The following SNAP47 variants were observed in gnomAD, a reference collection of about 807,000 sequenced individuals.
SNAP47 encodes synaptosome associated protein 47, also known as synaptosomal-associated protein 47.
SNAP47 carries 20 observed loss-of-function variants against 31.4 expected under a neutral mutation model. The ratio of observed to expected loss-of-function variants is 0.64; its 90% CI spans 0.45 to 0.93. The LOEUF (loss-of-function observed/expected upper bound fraction) is 0.93. Ranked by LOEUF, SNAP47 falls within the 40% of genes least tolerant of loss-of-function variation. The probability of loss-of-function intolerance (pLI) is 0.00; values close to 1 mark genes in which losing one functional copy is unlikely to be tolerated. For missense variants in SNAP47, 492 were observed against 528.5 expected (o/e 0.93, Z 0.68); for synonymous variants, 194 against 213.4 (o/e 0.91, Z 0.79).
chr1:227,763,026 A>G lies in SNAP47; in HGVS notation c.988+3541A>G, dbSNP rs559061614. Among the ~76,000 whole-genome samples the G allele has an allele frequency of 5.9e-5, 9 of 152,134 alleles. No homozygotes were observed. Among genetic ancestry groups the G allele is most frequent in the African/African-American group, 2.2e-4 (9 of 41,510 alleles). ...GGCTGGAGTGCAGAGGTGCAATCAT[A>G]GCTCACTGTAACTTCAATCTCCTGG... On this transcript the variant is annotated intron_variant, in intron 3 of 4. Coordinates refer to ENST00000617596, the MANE Select transcript of SNAP47 (RefSeq NM_053052.4). The surrounding 1 kb of genome is among the most constrained non-coding windows in gnomAD (Gnocchi z 4.2).
At chr1:227,753,439 G>A (rs999860470) in intron 2 of SNAP47, among the ~76,000 whole-genome samples, 5 of 152,158 alleles carry the variant, frequency 3.3e-5, no homozygotes, top group Non-Finnish European at 5.9e-5. Context: ...TTTTCCTGCC[G>A]GGTCTGTCCT....
At position 227,759,409 on chromosome 1, in the gene SNAP47, G is replaced by A. The variant is rs1406249578; in HGVS notation, c.912G>A (p.Leu304=). ...LEVQFSKKME[L]LEDALVLRSA... The stretch of plus-strand genomic sequence containing the variant: ...TGCAGTTCAGCAAGAAGATGGAGCT[G>A]TTAGAAGATGCATTGGTGCTCAGAA... The change falls in exon 3 of 5, where the codon CTG becomes CTA. Residue 304 remains leucine, a synonymous_variant. Coordinates refer to ENST00000617596, the MANE Select transcript of SNAP47 (RefSeq NM_053052.4). 24 of 1,614,108 alleles carry A rather than the reference G, an allele frequency of 1.5e-5. No homozygotes were observed. Among genetic ancestry groups the A allele is most frequent in the Non-Finnish European group, 2.0e-5 (24 of 1,180,052 alleles).
chr1:227,769,637 C>T (rs1663663729), intron 4 of SNAP47, among the ~76,000 whole-genome samples: 1 of 152,128 alleles, frequency 6.6e-6, no homozygotes, highest in South Asian at 2.1e-4. Context: ...TGTGATCACA[C>T]AGGACAGGCA....
intron 4 of SNAP47, among the ~76,000 whole-genome samples, chr1:227,769,134 C>G (rs1491002805): frequency 6.6e-6 from 1 of 152,162 alleles, no homozygotes; most frequent in Non-Finnish European, 1.5e-5. Context: ...GGGCTCCCCA[C>G]CAGCCATCCA....
intron 2 of SNAP47, 54 bp downstream of exon 2, chr1:227,748,287 G>A (rs1662113538): frequency 1.4e-6 from 2 of 1,474,012 alleles, no homozygotes; most frequent in Non-Finnish European, 1.8e-6. Flanking sequence ...ATGCACATGT[G>A]TGGAGGCTCA....
chr1:227,751,019 T>C (rs1374325432), intron 2 of SNAP47, among the ~76,000 whole-genome samples: 3 of 152,166 alleles, frequency 2.0e-5, no homozygotes, highest in Non-Finnish European at 2.9e-5. Context: ...CACCAAGCGA[T>C]GGGCCTGTCC....
At chr1:227,753,527 G>A (rs1662508608) in intron 2 of SNAP47, among the ~76,000 whole-genome samples, 1 of 152,164 alleles carries the variant, frequency 6.6e-6, no homozygotes, top group African/African-American at 2.4e-5. Context: ...TCTCACTGCT[G>A]CCTAAGACAC....
At chr1:227,777,116 A>AAG in intron 4 of SNAP47, 1 of 924,580 alleles carries the variant, frequency 1.1e-6, no homozygotes, top group Non-Finnish European at 1.3e-6. Flanking sequence ...TTTTAAAAAA[A>AAG]AAAGTTATTT....
chr1:227,776,079 G>A, intron 4 of SNAP47: 3 of 1,183,524 alleles, frequency 2.5e-6, no homozygotes, highest in Non-Finnish European at 3.2e-6. Flanking sequence ...TTCAGGTTGT[G>A]CCTCTTGCTG....
At chr1:227,759,615 C>A in intron 3 of SNAP47, 130 bp downstream of exon 3, 1 of 1,266,094 alleles carries the variant, frequency 7.9e-7, no homozygotes. Context: ...TTGCTAGAGA[C>A]AGCTCGTTTG....
chr1:227,753,904 A>C (rs1248674327), intron 2 of SNAP47, among the ~76,000 whole-genome samples: 2 of 152,032 alleles, frequency 1.3e-5, no homozygotes, highest in African/African-American at 4.8e-5. Flanking sequence ...CTGGAGCCCC[A>C]GTGGGTGTGT....
chr1:227,758,550 G>A (rs972453974), intron 2 of SNAP47, among the ~76,000 whole-genome samples: 1 of 152,178 alleles, frequency 6.6e-6, no homozygotes, highest in Admixed American at 6.5e-5. Context: ...TGGGGGAAGG[G>A]GCCTGCTAGG....
rs777521127 is a variant in SNAP47 at position 227,735,540 on chromosome 1, C to G, written c.-46+41C>G. 1.4e-5 allele frequency: 19 copies of G among 1,360,490 alleles called. No homozygotes were observed. In the East Asian group the frequency reaches 5.4e-4, roughly 38 times the overall value. The allele number at this position is 1,360,490 out of a possible 1,614,324, so 84.3% of individuals were successfully genotyped here. On this transcript the variant is annotated intron_variant, in intron 1 of 4. Coordinates refer to ENST00000617596, the MANE Select transcript of SNAP47 (RefSeq NM_053052.4). ...GGTCTGTTGGGCGCCCGGCCCAAGC[C>G]AAGCCGTAGCGTCCGCCCTCGGCTC... is the stretch of plus-strand genomic sequence containing the variant.
upstream of SNAP47, chr1:227,735,213 G>T: frequency 6.3e-7 from 1 of 1,588,828 alleles, no homozygotes; most frequent in Non-Finnish European, 8.6e-7. Flanking sequence ...CCGACGCCGG[G>T]GACATCGACC....
intron 1 of SNAP47, among the ~76,000 whole-genome samples, chr1:227,742,895 G>C (rs529427548): frequency 6.6e-6 from 1 of 152,212 alleles, no homozygotes; most frequent in African/African-American, 2.4e-5. Flanking sequence ...GAGCCTGCTG[G>C]GTGGCCTTGC....
In SNAP47 at chr1:227,780,596, G is replaced by A; in HGVS notation, c.1183G>A (p.Asp395Asn). 6.2e-7 allele frequency: 1 copy of A among 1,614,218 alleles called. No homozygotes were observed. The highest frequency in any genetic ancestry group is 8.5e-7 in the Non-Finnish European group (1 of 1,180,038). Residue 395 changes from aspartate to asparagine, a missense_variant, in exon 5 of 5, where the codon GAT becomes AAT. Physicochemically the swap from Asp to Asn is conservative, Grantham distance 23 (BLOSUM62 1). Transcript: ENST00000617596. Reference protein sequence around the residue: ...SELERQDEALDGVAAAVDRAT... With the variant: ...SELERQDEALNGVAAAVDRAT... ...GCTGGAGAGACAAGACGAAGCCCTGGATGGCGTTGCAGCAGCTGTGGACAG... is the reference window on the plus strand; with the variant it reads ...GCTGGAGAGACAAGACGAAGCCCTGAATGGCGTTGCAGCAGCTGTGGACAG...
In SNAP47 at chr1:227,764,512, C is replaced by T. The variant is rs535241543; in HGVS notation, c.989-2447C>T. Among the ~76,000 whole-genome samples the T allele has an allele frequency of 3.9e-5, 6 of 152,300 alleles. No homozygotes were observed. In the South Asian group the frequency reaches 1.2e-3, roughly 32 times the overall value. On this transcript the variant is annotated intron_variant, in intron 3 of 4. Transcript: ENST00000617596. ...GGCTGGGCACGGTGGTTCATGCCTG[C>T]AGCCCAGCACTTTGGGAAGCCAATG... is the stretch of plus-strand genomic sequence containing the variant.
upstream of SNAP47, chr1:227,735,001 C>T (rs773796410): frequency 1.3e-6 from 2 of 1,517,460 alleles, no homozygotes; most frequent in South Asian, 2.6e-5. Context: ...GGTCTGCGGC[C>T]GCCGCCCCAC....
chr1:227,733,261 G>C, upstream of SNAP47: 1 of 921,664 alleles, frequency 1.1e-6, no homozygotes, highest in Non-Finnish European at 1.6e-6. Flanking sequence ...TGAAACAGAG[G>C]CTAGGCCTCA....
Sources: gnomAD v4.1 joint callset for allele counts (sites outside exome capture counted in the v4.1 genomes callset) on GRCh38, gnomAD v4.1.1 for gene constraint, Gnocchi (gnomAD v3.1) non-coding constraint, MANE v1.5 for transcripts, NCBI Gene and HGNC (gene_info 2026-07-23, HGNC 2026-07-21) for gene names.